Variants in KAZN observed in about 807,000 individuals in gnomAD.
KAZN encodes the protein kazrin.
A neutral mutation model predicts 87.4 loss-of-function variants in KAZN; 40 were observed. That is an observed-to-expected ratio of 0.46 (90% CI 0.36 to 0.60). The LOEUF (loss-of-function observed/expected upper bound fraction) is 0.60, where lower values mean the gene tolerates loss of function less well. KAZN is among the 20% of genes least tolerant of loss of function. KAZN has a pLI of 0.00. For synonymous variants in KAZN, 466 were observed against 458.3 expected, an observed-to-expected ratio of 1.02 and a Z score of -0.22; for missense variants, 898 against 1,073.9, an observed-to-expected ratio of 0.84 and a Z score of 2.29.
chr1:15,015,970 T>C (rs1670047674), intron 2 of KAZN, among the ~76,000 whole-genome samples: 1 of 152,154 alleles, frequency 6.6e-6, no homozygotes, highest in African/African-American at 2.4e-5. Context: ...GGTTGAACAG[T>C]GGTCCCTGGG....
chr1:14,964,659 G>A (rs1261126238), intron 2 of KAZN, among the ~76,000 whole-genome samples: 3 of 152,166 alleles, frequency 2.0e-5, no homozygotes, highest in South Asian at 2.1e-4. Context: ...CGCACAAGCC[G>A]AGCAAGCAGC....
chr1:15,075,012 C>G (rs1466366101), intron 8 of KAZN, among the ~76,000 whole-genome samples: 1 of 152,178 alleles, frequency 6.6e-6, no homozygotes, highest in Non-Finnish European at 1.5e-5. Context: ...GGACAGGGCC[C>G]TTTGTACAGA....
At chr1:14,276,927 T>G (rs1366834487) in intron 2 of KAZN, among the ~76,000 whole-genome samples, 1 of 152,220 alleles carries the variant, frequency 6.6e-6, no homozygotes, top group Non-Finnish European at 1.5e-5. Flanking sequence ...AACACTTCAT[T>G]TAGATTTGAC....
At chr1:14,731,508 C>T (rs1235155720) in intron 1 of KAZN, among the ~76,000 whole-genome samples, 4 of 152,196 alleles carry the variant, frequency 2.6e-5, no homozygotes, top group Non-Finnish European at 5.9e-5. Context: ...CCTCCCTTTC[C>T]CTTCCCACAG....
intron 1 of KAZN, among the ~76,000 whole-genome samples, chr1:14,632,798 C>G (rs531628494): frequency 2.0e-4 from 30 of 152,154 alleles, no homozygotes; most frequent in African/African-American, 7.0e-4. Context: ...TGTTGATGCT[C>G]TTCTTCCACA....
At chr1:14,143,022 C>T (rs147924053) in intron 1 of KAZN, among the ~76,000 whole-genome samples, 255 of 152,128 alleles carry the variant, frequency 1.7e-3, no homozygotes, top group African/African-American at 5.9e-3. Flanking sequence ...CGGTAATTAT[C>T]TCGGGGATGG....
intron 2 of KAZN, among the ~76,000 whole-genome samples, chr1:14,393,222 A>AT (rs1662606719): frequency 6.6e-6 from 1 of 152,158 alleles, no homozygotes; most frequent in Non-Finnish European, 1.5e-5. Context: ...TTCTCAAAGT[A>AT]TTTTTGCCCA....
chr1:14,274,537 C>T (rs1296255930), intron 2 of KAZN, among the ~76,000 whole-genome samples: 1 of 152,138 alleles, frequency 6.6e-6, no homozygotes, highest in Non-Finnish European at 1.5e-5. Flanking sequence ...TGTACAAAGC[C>T]TAATAGAACA....
chr1:14,464,346 C>T (rs10927440), intron 2 of KAZN, among the ~76,000 whole-genome samples: 35,257 of 151,942 alleles, frequency 0.23, 4,364 homozygotes, highest in Middle Eastern at 0.3. Context: ...TCTGACTGCT[C>T]TTGAAAAGTC....
chr1:14,939,945 C>T (rs1433325368), intron 1 of KAZN, among the ~76,000 whole-genome samples: 1 of 152,174 alleles, frequency 6.6e-6, no homozygotes, highest in Non-Finnish European at 1.5e-5. Context: ...GTTCCAAAGG[C>T]AGTGGCAGAG....
rs190286492 is a variant in KAZN at position 13,917,715 on chromosome 1, G to A, written c.91+23959G>A. Among the ~76,000 whole-genome samples the A allele has an allele frequency of 2.6e-3, 398 of 150,822 alleles. 2 individuals carry two copies. The highest frequency in any genetic ancestry group is 9.2e-3 in the African/African-American group (377 of 41,022). ...GGGAGGCTGAGGCAGGAGGATCACT[G>A]GGGCCCAGAAGGTTGAGGCTACAGT... On this transcript the variant is annotated intron_variant, in intron 1 of 16. Coordinates refer to the KAZN transcript ENST00000636203.
chr1:14,241,484 T>C (rs1312729684), intron 2 of KAZN, among the ~76,000 whole-genome samples: 3 of 152,212 alleles, frequency 2.0e-5, no homozygotes, highest in Admixed American at 1.3e-4. Context: ...AAATCTTAAA[T>C]GCACATTTCA....
chr1:14,723,738 C>T (rs78009378), intron 1 of KAZN, among the ~76,000 whole-genome samples: 1,925 of 152,264 alleles, frequency 0.013, 53 homozygotes, highest in African/African-American at 0.044. Flanking sequence ...AAAACCACGT[C>T]GGAGTGTGGC....
intron 1 of KAZN, among the ~76,000 whole-genome samples, chr1:14,066,699 G>C (rs1193584274): frequency 2.0e-5 from 3 of 152,184 alleles, no homozygotes; most frequent in African/African-American, 7.2e-5. Flanking sequence ...TCTTTGGAAT[G>C]ATATCGGTAA....
At chr1:14,004,583 A>G (rs1016372265) in intron 1 of KAZN, among the ~76,000 whole-genome samples, 30 of 152,226 alleles carry the variant, frequency 2.0e-4, no homozygotes, top group African/African-American at 6.3e-4. Flanking sequence ...AAGCACGATG[A>G]GAATTTCCTA....
chr1:13,923,772 G>A (rs1399006546), intron 1 of KAZN, among the ~76,000 whole-genome samples: 1 of 151,096 alleles, frequency 6.6e-6, no homozygotes, highest in Non-Finnish European at 1.5e-5. Flanking sequence ...CACACTTGAT[G>A]TCACTTTTAT....
chr1:14,256,197 C>T (rs1650498410), intron 2 of KAZN, among the ~76,000 whole-genome samples: 3 of 152,134 alleles, frequency 2.0e-5, no homozygotes, highest in Admixed American at 2.0e-4. Context: ...ACCTGTATTT[C>T]CCGGTGCGTT....
chr1:14,492,751 T>G (rs10927444), intron 2 of KAZN, among the ~76,000 whole-genome samples: 1 of 40,998 alleles, frequency 2.4e-5, no homozygotes, highest in Non-Finnish European at 4.7e-5. Flanking sequence ...ACACACCACA[T>G]GTGCACACAC....
rs551485474 is a variant in KAZN at position 14,991,329 on chromosome 1, T to G, written c.418+30454T>G. ...TAGATCGCACCACTGCACTCCAGCC[T>G]GGTGACAAAGAGACTCTGTGTCAAA... is the stretch of plus-strand genomic sequence containing the variant. On this transcript the variant is annotated intron_variant, in intron 2 of 14. Coordinates refer to ENST00000376030, the MANE Select transcript of KAZN (RefSeq NM_201628.3). 6.5e-4 allele frequency among the ~76,000 whole-genome samples: 86 copies of G among 132,130 alleles called. 1 individual carries two copies. The highest frequency in any genetic ancestry group is 1.0e-3 in the Non-Finnish European group (64 of 63,450). The allele number at this position is 132,130 out of a possible 152,430, so 86.7% of individuals were successfully genotyped here.
Sources: allele counts gnomAD v4.1 joint callset (sites outside exome capture counted in the v4.1 genomes callset), GRCh38; gene constraint gnomAD v4.1.1; transcripts MANE v1.5; gene names NCBI Gene and HGNC (gene_info 2026-07-23, HGNC 2026-07-21).